Variants in TUT4 observed in about 807,000 individuals in gnomAD.
TUT4 encodes the protein terminal uridylyltransferase 4.
A neutral mutation model predicts 192.2 loss-of-function variants in TUT4; 36 were observed. That is an observed-to-expected ratio of 0.19 (90% CI 0.14 to 0.25). The LOEUF (loss-of-function observed/expected upper bound fraction) is 0.25. Ranked by LOEUF, TUT4 falls within the 10% of genes least tolerant of loss-of-function variation. TUT4 has a pLI of 1.00. For missense variants in TUT4, 1,493 were observed against 1,957.2 expected, an observed-to-expected ratio of 0.76 and a Z score of 4.47; for synonymous variants, 618 against 666.0, an observed-to-expected ratio of 0.93 and a Z score of 1.11.
intron 1 of TUT4, among the ~76,000 whole-genome samples, chr1:52,530,278 A>G (rs1683017381): frequency 6.6e-6 from 1 of 151,456 alleles, no homozygotes; most frequent in Non-Finnish European, 1.5e-5. Context: ...AAAAAAAAAA[A>G]ATTGCTAATA....
At chr1:52,467,086 A>C (rs1183070296) in intron 15 of TUT4, among the ~76,000 whole-genome samples, 1 of 152,152 alleles carries the variant, frequency 6.6e-6, no homozygotes. Context: ...TTGAGGCTGC[A>C]GTGAGCTATG....
At chr1:52,446,199 G>A in intron 22 of TUT4, 66 bp downstream of exon 22, 1 of 1,484,098 alleles carries the variant, frequency 6.7e-7, no homozygotes, top group Non-Finnish European at 9.2e-7. Flanking sequence ...ATGTATTTCA[G>A]TTTTCCCCTC....
intron 2 of TUT4, among the ~76,000 whole-genome samples, chr1:52,522,306 A>T (rs1571251249): frequency 2.0e-5 from 3 of 152,316 alleles, no homozygotes; most frequent in Admixed American, 6.5e-5. Context: ...TCCTGAAACT[A>T]GTTCAACTCA....
At chr1:52,520,673 C>G (rs1372168897) in intron 2 of TUT4, among the ~76,000 whole-genome samples, 1 of 152,188 alleles carries the variant, frequency 6.6e-6, no homozygotes, top group East Asian at 1.9e-4. Context: ...GCTCTAATGT[C>G]ACTTTCTCAT....
At chr1:52,445,203 A>C (rs1570351363) in intron 24 of TUT4, among the ~76,000 whole-genome samples, 1 of 152,058 alleles carries the variant, frequency 6.6e-6, no homozygotes, top group East Asian at 1.9e-4. Context: ...ATAAGAAAGC[A>C]GGCAAAAACC....
chr1:52,491,580 C>G (rs1194450192), intron 7 of TUT4, among the ~76,000 whole-genome samples: 2 of 151,996 alleles, frequency 1.3e-5, no homozygotes, highest in Non-Finnish European at 2.9e-5. Context: ...CCCAGCTACT[C>G]GGGAGGCTGA....
intron 9 of TUT4, among the ~76,000 whole-genome samples, chr1:52,488,534 G>A (rs1287488080): frequency 3.3e-5 from 5 of 151,820 alleles, no homozygotes; most frequent in Non-Finnish European, 7.4e-5. Context: ...TAGAGACTGG[G>A]GAAAAAAATA....
intron 11 of TUT4, among the ~76,000 whole-genome samples, chr1:52,478,548 T>G (rs1415480424): frequency 6.6e-6 from 1 of 152,174 alleles, no homozygotes; most frequent in East Asian, 1.9e-4. Context: ...GTCAAGGATT[T>G]GACTCAAGAC....
At position 52,525,722 on chromosome 1, in the gene TUT4, A is replaced by G. The variant is rs1410106535; in HGVS notation, c.559T>C (p.Ser187Pro). The G allele has an allele frequency of 6.2e-7, 1 of 1,614,010 alleles. No individual in the cohort carries two copies. Among genetic ancestry groups the G allele is most frequent in the Non-Finnish European group, 8.5e-7 (1 of 1,180,026 alleles). Residue 187 changes from serine (S) to proline (P), a missense_variant, in exon 2 of 30, where the codon TCC becomes CCC. Physicochemically the swap from Ser to Pro is moderately conservative, Grantham distance 74 (BLOSUM62 -1). Around this residue, in one of 7 missense-constraint regions of TUT4, gnomAD observed 260 missense variants for 247.8 expected, o/e 1.05. Coordinates refer to ENST00000257177, the MANE Select transcript of TUT4 (RefSeq NM_001009881.3). ...TTCACTTTGTCCACAGAAGTAAAGGAGCTTGGAATTTTTTTTCCAATCTGT... is the reference window on the plus strand; with the variant it reads ...TTCACTTTGTCCACAGAAGTAAAGGGGCTTGGAATTTTTTTTCCAATCTGT... The part of the protein sequence containing the change: ...LQQIGKKIPS[S>P]FTSVDKVNIE...
chr1:52,445,369 A>G (rs1012280998), intron 24 of TUT4, among the ~76,000 whole-genome samples: 1 of 152,174 alleles, frequency 6.6e-6, no homozygotes, highest in Admixed American at 6.5e-5. Flanking sequence ...TTTGTCTTCT[A>G]TGTGTATATT....
At position 52,526,028 on chromosome 1, in the gene TUT4, C is replaced by G. The variant is rs756786281; in HGVS notation, c.253G>C (p.Asp85His). Reference protein sequence around the residue: ...VNAANLPGPKDLGLVLRDQSH... With the variant: ...VNAANLPGPKHLGLVLRDQSH... ...TGATCTCGAAGGACTAACCCCAAAT[C>G]TTTAGGACCTGGAAGGTTGGCAGCA... is the stretch of plus-strand genomic sequence containing the variant. Residue 85 changes from aspartate (D) to histidine (H), a missense_variant, in exon 2 of 30, where the codon GAT (aspartate) becomes CAT (histidine). Transcript: ENST00000257177. 1.9e-6 allele frequency: 3 copies of G among 1,613,374 alleles called. No homozygotes were observed. In the African/African-American group the frequency reaches 4.0e-5, roughly 22 times the overall value.
At chr1:52,466,680 A>ATTTTTTT (rs1436025380) in intron 15 of TUT4, among the ~76,000 whole-genome samples, 3 of 131,158 alleles carry the variant, frequency 2.3e-5, no homozygotes, top group African/African-American at 6.4e-5. Flanking sequence ...ATATATATAT[A>ATTTTTTT]TATTTTTGAG....
chr1:52,537,426 A>G (rs1685238139), intron 1 of TUT4, among the ~76,000 whole-genome samples: 1 of 152,216 alleles, frequency 6.6e-6, no homozygotes, highest in Admixed American at 6.5e-5. Flanking sequence ...TCAATCCAGC[A>G]AGGACATATA....
chr1:52,441,886 T>C (rs1387385114), intron 24 of TUT4, among the ~76,000 whole-genome samples: 1 of 151,958 alleles, frequency 6.6e-6, no homozygotes, highest in Non-Finnish European at 1.5e-5. Context: ...ATATGTCAGA[T>C]GGCCAGGCGA....
At chr1:52,498,333 C>CG (rs1479799855) in intron 4 of TUT4, among the ~76,000 whole-genome samples, 2 of 151,482 alleles carry the variant, frequency 1.3e-5, no homozygotes, top group African/African-American at 2.4e-5. Context: ...GCTCCGCCCC[C>CG]CCGGGGTTCA....
Position 52,435,458 on chromosome 1 carries a change from C to G in TUT4, c.4170G>C (p.Gln1390His). ...RQRNSSVAAA[Q>H]LVRNLVNAQQ... ...GAGCATTTACAAGGTTGCGGACCAG[C>G]TGGGCTGCTAAGAGAAGGCATCACA... The change falls in exon 27 of 30, where the codon CAG (glutamine) becomes CAC (histidine). Residue 1390 changes from glutamine (Q) to histidine (H), a missense_variant. This residue lies in a region of TUT4 where 351 missense variants were observed against 397.8 expected (regional missense o/e 0.88). Transcript: ENST00000257177. 6.2e-7 allele frequency: 1 copy of G among 1,614,078 alleles called. No individual in the cohort carries two copies.
intron 1 of TUT4, among the ~76,000 whole-genome samples, chr1:52,526,762 T>C: frequency 6.6e-6 from 1 of 152,186 alleles, no homozygotes; most frequent in East Asian, 1.9e-4. Flanking sequence ...TGGTGGCTCA[T>C]GCCTGTAATC....
intron 26 of TUT4, among the ~76,000 whole-genome samples, chr1:52,435,843 A>G (rs1383233303): frequency 6.6e-6 from 1 of 152,054 alleles, no homozygotes; most frequent in African/African-American, 2.4e-5. Context: ...CCAGAAGGTC[A>G]AAGCTGCACT....
At position 52,455,082 on chromosome 1, in the gene TUT4, G is replaced by A. The variant is rs140871216; in HGVS notation, c.3435+3254C>T. On this transcript the variant is annotated intron_variant, in intron 20 of 29. Transcript: ENST00000257177. ...GGCAAATTACTTGAGCCCAGAGCTCGAGACCAACCTGGGCAACATGGAGAA... is the reference window on the plus strand; with the variant it reads ...GGCAAATTACTTGAGCCCAGAGCTCAAGACCAACCTGGGCAACATGGAGAA... 7.7e-3 allele frequency among the ~76,000 whole-genome samples: 1,170 copies of A among 152,200 alleles called. 10 individuals carry two copies. Among genetic ancestry groups the A allele is most frequent in the South Asian group, 0.043 (208 of 4,826 alleles).
Sources: gnomAD v4.1 joint callset for allele counts (sites outside exome capture counted in the v4.1 genomes callset) on GRCh38, gnomAD v4.1.1 for gene constraint, gnomAD v4.1.1 regional missense constraint, MANE v1.5 for transcripts, NCBI Gene and HGNC (gene_info 2026-07-23, HGNC 2026-07-21) for gene names.